ADGRV1: variants seen among roughly 807,000 people sequenced by gnomAD.
ADGRV1 encodes the protein adhesion G protein-coupled receptor V1.
In ADGRV1, 359 loss-of-function variants were observed where a neutral mutation model predicts 596.2. That is an observed-to-expected ratio of 0.60 (90% confidence interval 0.55 to 0.66). ADGRV1 has a LOEUF of 0.66. Among genes scored for constraint, ADGRV1 ranks in the 30% least tolerant of loss-of-function variants. ADGRV1 has a pLI of 0.00. For missense variants in ADGRV1, 7,274 were observed against 7,575.6 expected (o/e 0.96, Z 1.48); for synonymous variants, 2,681 against 2,679.2 (o/e 1.00, Z -0.02).
At chr5:91,003,055 A>G (rs947510677) in intron 85 of ADGRV1, among the ~76,000 whole-genome samples, 1 of 152,150 alleles carries the variant, frequency 6.6e-6, no homozygotes, top group African/African-American at 2.4e-5. Context: ...CTTACCTCCC[A>G]GGGTACCACA....
chr5:90,728,309 C>A (rs922304322), intron 48 of ADGRV1, among the ~76,000 whole-genome samples: 17 of 152,224 alleles, frequency 1.1e-4, no homozygotes, highest in Non-Finnish European at 2.2e-4. Context: ...GTTTCTTATT[C>A]CGTTCTAAAT....
rs75316546 is a variant in ADGRV1, at chr5:90,791,364, A to T, written c.14517+18A>T. 1 of 1,510,874 alleles carries T rather than the reference A, an allele frequency of 6.6e-7. No individual in the cohort carries two copies. Among genetic ancestry groups the T allele is most frequent in the East Asian group, 2.5e-5 (1 of 40,806 alleles). 93.6% of individuals were successfully genotyped at this position (1,510,874 alleles called of 1,614,324 possible). The stretch of plus-strand genomic sequence containing the variant: ...AGAATCAGGTTTGTGGCATTTCTTC[A>T]GTTTCCTGATCATTCCAATAAAACC... On this transcript the variant is annotated intron_variant, in intron 70 of 89. Coordinates refer to ENST00000405460, the MANE Select transcript of ADGRV1 (RefSeq NM_032119.4).
At chr5:91,117,369 C>T (rs1029531648) in intron 87 of ADGRV1, among the ~76,000 whole-genome samples, 3 of 152,010 alleles carry the variant, frequency 2.0e-5, no homozygotes, top group Admixed American at 2.0e-4. Flanking sequence ...ATTCTATGCC[C>T]TCAATATATA....
At chr5:90,907,297 C>T (rs1442538859) in intron 83 of ADGRV1, among the ~76,000 whole-genome samples, 3 of 152,128 alleles carry the variant, frequency 2.0e-5, no homozygotes, top group Non-Finnish European at 4.4e-5. Context: ...GTTGGATTCA[C>T]ATATTGTCCT....
intron 83 of ADGRV1, among the ~76,000 whole-genome samples, chr5:90,882,633 A>G (rs954641513): frequency 1.3e-5 from 2 of 151,904 alleles, no homozygotes; most frequent in African/African-American, 4.8e-5. Flanking sequence ...GGGTACACTC[A>G]CCCCCTTCCT....
chr5:90,838,400 T>A (rs1765149303), intron 77 of ADGRV1, among the ~76,000 whole-genome samples: 1 of 152,142 alleles, frequency 6.6e-6, no homozygotes. Flanking sequence ...AGCCAGTAAA[T>A]GTTGGGATCC....
chr5:90,967,570 A>G (rs768687893), intron 84 of ADGRV1, among the ~76,000 whole-genome samples: 21 of 152,136 alleles, frequency 1.4e-4, no homozygotes, highest in Non-Finnish European at 2.2e-4. Flanking sequence ...GTGCTATGCT[A>G]AAGGTCTTTG....
chr5:90,705,498 G>C lies in ADGRV1; in HGVS notation c.8485G>C (p.Ala2829Pro). 1 of 1,613,810 alleles carries C rather than the reference G, an allele frequency of 6.2e-7. No homozygotes were observed. The highest frequency in any genetic ancestry group is 8.5e-7 in the Non-Finnish European group (1 of 1,179,800). The change falls in exon 37 of 90, where the codon GCT (alanine) becomes CCT (proline). Residue 2829 changes from alanine (A) to proline (P), a missense_variant. By Grantham distance (27) the Ala-to-Pro change is conservative. Coordinates refer to ENST00000405460, the MANE Select transcript of ADGRV1 (RefSeq NM_032119.4). ...TGAACCACATGGAGTTTTAAATTTT[G>C]CTCTTTCATCAAGATTTGTGTTACT... is the stretch of plus-strand genomic sequence containing the variant. Reference protein sequence around the residue: ...SDEPHGVLNFALSSRFVLLQE... With the variant: ...SDEPHGVLNFPLSSRFVLLQE...
intron 85 of ADGRV1, among the ~76,000 whole-genome samples, chr5:91,040,933 A>G (rs1248037591): frequency 5.3e-5 from 8 of 152,178 alleles, no homozygotes; most frequent in Non-Finnish European, 1.2e-4. Flanking sequence ...CTTAAGGACC[A>G]TCTTCTACCC....
intron 85 of ADGRV1, among the ~76,000 whole-genome samples, chr5:91,047,414 G>A (rs770582610): frequency 2.7e-4 from 41 of 152,146 alleles, no homozygotes; most frequent in Non-Finnish European, 5.1e-4. Context: ...GAGGAGCAAC[G>A]AAGCCAGTCC....
intron 1 of ADGRV1, 89 bp downstream of exon 1, chr5:90,559,006 G>A: frequency 8.2e-7 from 1 of 1,224,826 alleles, no homozygotes; most frequent in Non-Finnish European, 1.1e-6. Flanking sequence ...CAGGTGGGCG[G>A]CGAGGGCGGC....
At chr5:90,748,264 C>T (rs1277155862) in intron 52 of ADGRV1, among the ~76,000 whole-genome samples, 1 of 152,116 alleles carries the variant, frequency 6.6e-6, no homozygotes. Context: ...GATCAGCTTC[C>T]TCTGAGGCAT....
At chr5:90,687,548 G>C (rs1199050740) in intron 29 of ADGRV1, among the ~76,000 whole-genome samples, 1 of 152,138 alleles carries the variant, frequency 6.6e-6, no homozygotes, top group Non-Finnish European at 1.5e-5. Flanking sequence ...GTTCTGGCCA[G>C]GGCAATTAGG....
chr5:90,642,926 G>A lies in ADGRV1; in HGVS notation c.2438G>A (p.Arg813Gln), dbSNP rs370189682. Residue 813 changes from arginine (R) to glutamine (Q), a missense_variant, in exon 13 of 90, where the codon CGA becomes CAA. By Grantham distance (43) the Arg-to-Gln change is conservative. Transcript: ENST00000405460. ...GSLVKQFLHY[R>Q]VEPRDSNEFY... The stretch of plus-strand genomic sequence containing the variant: ...CTTGTTAAGCAGTTTCTACACTACC[G>A]AGTAGAGCCAAGAGATAGCAATGAA... 26 of 1,613,254 alleles carry A rather than the reference G, an allele frequency of 1.6e-5. No homozygotes were observed. The highest frequency in any genetic ancestry group is 2.2e-5 in the East Asian group (1 of 44,868).
At position 90,628,840 on chromosome 5, in the gene ADGRV1, C is replaced by T. The variant is rs775280832; in HGVS notation, c.1509+8C>T. ...GTGAGCGAGCCAGCGGAGGTATAAC[C>T]CTTGTTATGCTTTATGCTTGTTAAT... On this transcript the variant is annotated splice_region_variant and intron_variant, in intron 8 of 89. Coordinates refer to ENST00000405460, the MANE Select transcript of ADGRV1 (RefSeq NM_032119.4). The T allele has an allele frequency of 6.2e-7, 1 of 1,611,454 alleles. No homozygotes were observed. Among genetic ancestry groups the T allele is most frequent in the South Asian group, 1.1e-5 (1 of 90,832 alleles).
rs747623882 is a variant in ADGRV1 at position 90,763,311 on chromosome 5, A to T, written c.12127A>T (p.Ile4043Phe). The part of the protein sequence containing the change: ...VFGFEEKTVM[I>F]DESLSSDDPD... ...CTGAATTTTCTTCTTTCAGGTAATG[A>T]TTGATGAATCCCTTTCATCCGATGA... is the stretch of plus-strand genomic sequence containing the variant. Residue 4043 changes from isoleucine (I) to phenylalanine (F), a missense_variant, in exon 59 of 90, where the codon ATT (isoleucine) becomes TTT (phenylalanine). Transcript: ENST00000405460. 19 of 1,554,980 alleles carry T rather than the reference A, an allele frequency of 1.2e-5. No homozygotes were observed. The highest frequency in any genetic ancestry group is 1.7e-5 in the Non-Finnish European group (19 of 1,142,558).
intron 53 of ADGRV1, among the ~76,000 whole-genome samples, 197 bp from the exon 54 acceptor site, chr5:90,753,377 G>T (rs1485743242): frequency 6.6e-6 from 1 of 151,724 alleles, no homozygotes. Context: ...TTTATAAATG[G>T]TTTGCTCTTC....
At chr5:90,606,571 AATTT>A (rs1762131107) in intron 1 of ADGRV1, among the ~76,000 whole-genome samples, 1 of 152,178 alleles carries the variant, frequency 6.6e-6, no homozygotes, top group South Asian at 2.1e-4. Flanking sequence ...TCGTGTTGGG[AATTT>A]ATTTATTGTC....
chr5:90,927,533 C>T (rs540454836), intron 83 of ADGRV1, among the ~76,000 whole-genome samples: 3 of 152,272 alleles, frequency 2.0e-5, no homozygotes, highest in South Asian at 4.1e-4. Flanking sequence ...TGTGTCTCTG[C>T]ACGTGAGATG....
Sources: gnomAD v4.1 joint callset for allele counts (sites outside exome capture counted in the v4.1 genomes callset) on GRCh38, gnomAD v4.1.1 for gene constraint, MANE v1.5 for transcripts, NCBI Gene and HGNC (gene_info 2026-07-23, HGNC 2026-07-21) for gene names.